USP12: variants seen among roughly 807,000 people sequenced by gnomAD.
USP12 encodes the protein ubiquitin specific peptidase 12.
In USP12, 19 loss-of-function variants were observed where a neutral mutation model predicts 45.5. The observed-to-expected ratio is 0.42, with a 90% confidence interval of 0.29 to 0.61. USP12 has a LOEUF of 0.61. USP12 is among the 20% of genes least tolerant of loss of function. The pLI is 0.22. For synonymous variants in USP12, 149 were observed against 148.8 expected, an observed-to-expected ratio of 1.00 and a Z score of -0.01; for missense variants, 242 against 447.7, an observed-to-expected ratio of 0.54 and a Z score of 4.15.
At chr13:27,126,229 C>T (rs971956121) in intron 1 of USP12, among the ~76,000 whole-genome samples, 1 of 152,202 alleles carries the variant, frequency 6.6e-6, no homozygotes, top group African/African-American at 2.4e-5. Context: ...TAGGGGCCGA[C>T]AGACACCTCA....
chr13:27,084,758 T>C (rs1243614852), intron 6 of USP12, among the ~76,000 whole-genome samples: 1 of 152,222 alleles, frequency 6.6e-6, no homozygotes. Flanking sequence ...TATATGTCTT[T>C]AGGCCAGTAC....
Position 27,075,133 on chromosome 13 carries a change from T to C in USP12, c.932+58A>G, listed in dbSNP as rs1419782312. 4.5e-6 allele frequency: 7 copies of C among 1,538,666 alleles called. No homozygotes were observed. In the South Asian group the frequency reaches 5.8e-5, roughly 13 times the overall value. ...ATGAATAATTCATGAACATCTTGAA[T>C]GTACCCTGCTCTTCTAACCTAGGAA... On this transcript the variant is annotated intron_variant, in intron 7 of 8. Coordinates refer to ENST00000282344, the MANE Select transcript of USP12 (RefSeq NM_182488.4).
At chr13:27,094,477 G>C (rs893136200) in intron 4 of USP12, among the ~76,000 whole-genome samples, 1 of 152,046 alleles carries the variant, frequency 6.6e-6, no homozygotes, top group Non-Finnish European at 1.5e-5. Context: ...ACTAAAGCCT[G>C]GGCGACAGAG....
chr13:27,074,313 T>G (rs1028868460), intron 7 of USP12, among the ~76,000 whole-genome samples: 9 of 151,588 alleles, frequency 5.9e-5, no homozygotes, highest in African/African-American at 2.2e-4. Context: ...GGCAGGAGAA[T>G]GGCGTGAACC....
chr13:27,071,528 C>T (rs1171788105), intron 7 of USP12, among the ~76,000 whole-genome samples: 1 of 152,112 alleles, frequency 6.6e-6, no homozygotes, highest in Non-Finnish European at 1.5e-5. Context: ...TAAAACAATG[C>T]ATATAGAATT....
chr13:27,140,957 G>C (rs1324493639), intron 1 of USP12, among the ~76,000 whole-genome samples: 6 of 133,932 alleles, frequency 4.5e-5, no homozygotes, highest in African/African-American at 1.6e-4. Flanking sequence ...TAGAAGATTC[G>C]AAGAAAAAAA....
At position 27,105,918 on chromosome 13, in the gene USP12, T is replaced by C; in HGVS notation, c.156A>G (p.Ser52=). 6.2e-7 allele frequency: 1 copy of C among 1,613,262 alleles called. No individual in the cohort carries two copies. The highest frequency in any genetic ancestry group is 8.5e-7 in the Non-Finnish European group (1 of 1,179,700). Residue 52 remains serine, a synonymous_variant, in exon 3 of 9, where the codon TCA becomes TCG. Transcript: ENST00000282344. ...GACAAAAATAAAGTGCTTGAAGAAC[T>C]GAATTGCAGTAGCAGGTATTCCCAA... ...VNFGNTCYCN[S]VLQALYFCRP... is the part of the protein sequence containing the mutation.
At chr13:27,131,999 T>C (rs550380972) in intron 1 of USP12, among the ~76,000 whole-genome samples, 7 of 152,330 alleles carry the variant, frequency 4.6e-5, no homozygotes, top group Middle Eastern at 3.4e-3. Context: ...GGGTAGAGTA[T>C]TGTTCTAGTG....
At chr13:27,093,013 A>T (rs1353547937) in intron 4 of USP12, among the ~76,000 whole-genome samples, 2 of 152,154 alleles carry the variant, frequency 1.3e-5, no homozygotes, top group African/African-American at 4.8e-5. Flanking sequence ...CCTGACCAAC[A>T]TGGAGAAACC....
chr13:27,162,585 G>A (rs568350785), intron 1 of USP12, among the ~76,000 whole-genome samples: 1 of 152,176 alleles, frequency 6.6e-6, no homozygotes, highest in East Asian at 1.9e-4. Flanking sequence ...TAAAATTAAT[G>A]CTTTTGAAAT....
Position 27,079,545 on chromosome 13 carries a change from C to G in USP12, c.735-4157G>C, listed in dbSNP as rs186823955. On this transcript the variant is annotated intron_variant, in intron 6 of 8. Coordinates refer to ENST00000282344, the MANE Select transcript of USP12 (RefSeq NM_182488.4). ...AAGGACTGACATTGCCTGCAACCAC[C>G]CTCAACCGGAATACCAACTACCCAG... is the stretch of plus-strand genomic sequence containing the variant. Among the ~76,000 whole-genome samples the G allele has an allele frequency of 1.3e-3, 196 of 152,238 alleles. 1 individual carries two copies. Among genetic ancestry groups the G allele is most frequent in the African/African-American group, 4.5e-3 (185 of 41,522 alleles).
At chr13:27,130,099 C>G (rs1334329492) in intron 1 of USP12, among the ~76,000 whole-genome samples, 1 of 152,172 alleles carries the variant, frequency 6.6e-6, no homozygotes, top group Non-Finnish European at 1.5e-5. Flanking sequence ...CCTCAGCATC[C>G]CCAGAGGCGG....
At chr13:27,099,685 A>G (rs1471466221) in intron 3 of USP12, among the ~76,000 whole-genome samples, 2 of 5,236 alleles carry the variant, frequency 3.8e-4, no homozygotes, top group Non-Finnish European at 9.6e-3. Context: ...AAAATTCACA[A>G]TAATTTTTTT....
chr13:27,115,059 T>C (rs1417773777), intron 2 of USP12, among the ~76,000 whole-genome samples: 1 of 152,198 alleles, frequency 6.6e-6, no homozygotes, highest in East Asian at 1.9e-4. Flanking sequence ...CTTTAATAGT[T>C]GGAGCTGTGG....
At chr13:27,110,965 T>C (rs1875412548) in intron 2 of USP12, among the ~76,000 whole-genome samples, 1 of 152,166 alleles carries the variant, frequency 6.6e-6, no homozygotes, top group Non-Finnish European at 1.5e-5. Flanking sequence ...GATTGACCTA[T>C]CTATAAAAAA....
chr13:27,078,399 T>C (rs1349328946), intron 6 of USP12, among the ~76,000 whole-genome samples: 1 of 151,912 alleles, frequency 6.6e-6, no homozygotes, highest in Non-Finnish European at 1.5e-5. Context: ...TTGCTCTATG[T>C]GAGGGTCCTG....
intron 3 of USP12, among the ~76,000 whole-genome samples, chr13:27,101,398 G>A (rs1053323456): frequency 1.3e-5 from 2 of 152,154 alleles, no homozygotes; most frequent in Non-Finnish European, 2.9e-5. Context: ...GTAGCATGAT[G>A]GGAAAGGTGG....
At chr13:27,070,703 G>A (rs1175217564) in intron 8 of USP12, among the ~76,000 whole-genome samples, 7 of 151,952 alleles carry the variant, frequency 4.6e-5, no homozygotes, top group Non-Finnish European at 1.0e-4. Flanking sequence ...ACAGGCATGC[G>A]CCACCATGCC....
chr13:27,107,095 C>T (rs945355339), intron 2 of USP12, among the ~76,000 whole-genome samples: 2 of 152,076 alleles, frequency 1.3e-5, no homozygotes, highest in African/African-American at 4.8e-5. Flanking sequence ...GAGGCCGAGG[C>T]AGGCGGATCA....
Sources: gnomAD v4.1 joint callset for allele counts (sites outside exome capture counted in the v4.1 genomes callset) on GRCh38, gnomAD v4.1.1 for gene constraint, MANE v1.5 for transcripts, NCBI Gene and HGNC (gene_info 2026-07-23, HGNC 2026-07-21) for gene names.